MCTP1: variants seen among roughly 807,000 people sequenced by gnomAD.
The protein encoded by MCTP1 is multiple C2 and transmembrane domain-containing protein 1.
In MCTP1, 69 loss-of-function variants were observed where a neutral mutation model predicts 120.6. The ratio of observed to expected loss-of-function variants is 0.57; its 90% CI spans 0.47 to 0.70. The LOEUF is 0.70. MCTP1 is among the 30% of genes least tolerant of loss of function. The pLI is 0.00. For missense variants in MCTP1, 1,203 were observed against 1,248.8 expected (o/e 0.96, Z 0.55); for synonymous variants, 529 against 493.1 (o/e 1.07, Z -0.96).
chr5:94,871,066 A>G lies in MCTP1; in HGVS notation c.2140-93T>C, dbSNP rs1797768953. On this transcript the variant is annotated intron_variant, in intron 14 of 22. Transcript: ENST00000515393. ...TTGACCCCCAGCTGCTGAAACTGAC[A>G]GAGAACCCAAAACAACTGTGGCAAT... 2.9e-5 allele frequency: 30 copies of G among 1,022,598 alleles called. No individual in the cohort carries two copies. In the South Asian group the frequency reaches 3.8e-4, roughly 13 times the overall value. 63.3% of individuals were successfully genotyped at this position (1,022,598 alleles called of 1,614,324 possible).
At chr5:94,969,748 G>T (rs1423454961) in intron 2 of MCTP1, among the ~76,000 whole-genome samples, 5 of 152,090 alleles carry the variant, frequency 3.3e-5, no homozygotes, top group African/African-American at 4.8e-5. Context: ...TTGTAACAGA[G>T]GGTATCCTTG....
intron 18 of MCTP1, among the ~76,000 whole-genome samples, chr5:94,780,597 G>A (rs1348079227): frequency 2.0e-5 from 3 of 152,048 alleles, no homozygotes; most frequent in Non-Finnish European, 4.4e-5. Context: ...TCACAGTGGT[G>A]CAATATGCAG....
rs1237293365 is a variant in MCTP1, at chr5:94,706,418, C to A, written c.*1078G>T. On this transcript the variant is annotated 3_prime_UTR_variant, in exon 23 of 23. Transcript: ENST00000515393. The stretch of plus-strand genomic sequence containing the variant: ...AAGCAGTTTATTTTATTTTACAAAA[C>A]AGGTTTTCATGCATAATCAAGAATG... The A allele has an allele frequency of 1.3e-5, 2 of 150,646 alleles. No individual in the cohort carries two copies. The highest frequency in any genetic ancestry group is 3.0e-5 in the Non-Finnish European group (2 of 67,548). The allele number at this position is 150,646 out of a possible 1,614,324, so 9.3% of individuals were successfully genotyped here. A position where few individuals can be genotyped will look rare whatever the true frequency, so the allele number is the denominator to read the frequency against.
intron 1 of MCTP1, among the ~76,000 whole-genome samples, chr5:95,266,362 T>C (rs1427114569): frequency 6.6e-6 from 1 of 152,236 alleles, no homozygotes; most frequent in African/African-American, 2.4e-5. Context: ...AGTCATGAGT[T>C]TCCTTCCTTG....
At chr5:95,237,063 T>TAAGC (rs1755618770) in intron 1 of MCTP1, among the ~76,000 whole-genome samples, 1 of 152,204 alleles carries the variant, frequency 6.6e-6, no homozygotes, top group African/African-American at 2.4e-5. Context: ...CAGGAATGCT[T>TAAGC]GGCTATGTGG....
At chr5:95,068,459 G>A (rs1403488868) in intron 1 of MCTP1, among the ~76,000 whole-genome samples, 1 of 152,092 alleles carries the variant, frequency 6.6e-6, no homozygotes, top group African/African-American at 2.4e-5. Flanking sequence ...CAAAACCCAG[G>A]GACAGTCTAG....
intron 17 of MCTP1, chr5:94,867,007 A>AT (rs973683867): frequency 6.1e-4 from 131 of 215,336 alleles, no homozygotes; most frequent in Non-Finnish European, 7.2e-4. Context: ...TTACAGGACA[A>AT]TTTTTTTTTG....
chr5:95,216,201 T>TA, intron 1 of MCTP1, among the ~76,000 whole-genome samples: 1 of 152,192 alleles, frequency 6.6e-6, no homozygotes, highest in Non-Finnish European at 1.5e-5. Flanking sequence ...CACTAAATCT[T>TA]ACCTAAAAAC....
At chr5:95,026,814 T>C (rs576203533) in intron 1 of MCTP1, among the ~76,000 whole-genome samples, 1 of 152,356 alleles carries the variant, frequency 6.6e-6, no homozygotes, top group South Asian at 2.1e-4. Context: ...TAACTTTGTC[T>C]GTCAATAAAG....
At chr5:95,116,059 T>C (rs1757804710) in intron 1 of MCTP1, among the ~76,000 whole-genome samples, 1 of 150,672 alleles carries the variant, frequency 6.6e-6, no homozygotes. Flanking sequence ...TCTAGAAAAA[T>C]GTCCTTCGAA....
At chr5:95,206,969 T>C (rs1425911566) in intron 1 of MCTP1, among the ~76,000 whole-genome samples, 1 of 152,218 alleles carries the variant, frequency 6.6e-6, no homozygotes, top group Non-Finnish European at 1.5e-5. Context: ...AGAAGTCAAA[T>C]TATATATTTA....
intron 17 of MCTP1, among the ~76,000 whole-genome samples, chr5:94,832,388 G>A (rs1442096380): frequency 1.3e-5 from 2 of 152,098 alleles, no homozygotes; most frequent in African/African-American, 4.8e-5. Flanking sequence ...CCTTCCCCAA[G>A]AAGACCCAAG....
intron 12 of MCTP1, among the ~76,000 whole-genome samples, chr5:94,876,565 A>G (rs1798916590): frequency 1.3e-5 from 2 of 152,146 alleles, no homozygotes; most frequent in Non-Finnish European, 2.9e-5. Context: ...AGATTATATA[A>G]TCTATTTTTC....
chr5:95,159,585 G>C (rs1745494103), intron 1 of MCTP1, among the ~76,000 whole-genome samples: 2 of 152,132 alleles, frequency 1.3e-5, no homozygotes, highest in South Asian at 4.1e-4. Context: ...TAAAATGTGA[G>C]TATGTACCAG....
chr5:94,821,856 T>C (rs1481017898), intron 17 of MCTP1, among the ~76,000 whole-genome samples: 1 of 152,194 alleles, frequency 6.6e-6, no homozygotes. Context: ...AAAAAATCCA[T>C]ATATAAGTGA....
rs1810054297 is a variant in MCTP1 at position 94,916,369 on chromosome 5, G to A, written c.1350+1527C>T. On this transcript the variant is annotated intron_variant, in intron 8 of 22. Transcript: ENST00000515393. ...TCTGGGACTCAGTTTTCTTATGTTT[G>A]ATTTTTCTAGACTGTACTTCAGGGC... 2.0e-5 allele frequency among the ~76,000 whole-genome samples: 3 copies of A among 152,060 alleles called. No individual in the cohort carries two copies. The South Asian group carries it at 6.2e-4, about 32-fold the overall frequency.
chr5:95,250,573 T>C (rs537834058), intron 1 of MCTP1, among the ~76,000 whole-genome samples: 1 of 152,196 alleles, frequency 6.6e-6, no homozygotes, highest in Non-Finnish European at 1.5e-5. Context: ...TGAATTTTGG[T>C]CCATCCACAT....
At chr5:94,722,158 A>G (rs967224899) in intron 19 of MCTP1, among the ~76,000 whole-genome samples, 5 of 152,204 alleles carry the variant, frequency 3.3e-5, no homozygotes, top group Non-Finnish European at 7.4e-5. Flanking sequence ...ATATTTAAGA[A>G]AATCTAAAGA....
At chr5:94,778,960 A>AAC in intron 19 of MCTP1, 150 bp downstream of exon 19, 1 of 667,276 alleles carries the variant, frequency 1.5e-6, no homozygotes, top group Non-Finnish European at 2.7e-6. Context: ...CCCTCTTTGC[A>AAC]ACACGCAGTG....
Sources: allele counts gnomAD v4.1 joint callset (sites outside exome capture counted in the v4.1 genomes callset), GRCh38; gene constraint gnomAD v4.1.1; transcripts MANE v1.5; gene names NCBI Gene and HGNC (gene_info 2026-07-23, HGNC 2026-07-21).